TYW1: variants seen among roughly 807,000 people sequenced by gnomAD.
TYW1 encodes tRNA-yW synthesizing protein 1 homolog.
TYW1 carries 46 observed loss-of-function variants against 96.2 expected under a neutral mutation model. The observed-to-expected ratio is 0.48, with a 90% CI of 0.38 to 0.61. The LOEUF is 0.61. Among genes scored for constraint, TYW1 ranks in the 20% least tolerant of loss-of-function variants. The pLI, the probability that TYW1 is intolerant of heterozygous loss-of-function variation, is 0.00. For synonymous variants in TYW1, 274 were observed against 323.0 expected, an observed-to-expected ratio of 0.85 and a Z score of 1.63; for missense variants, 684 against 909.6, an observed-to-expected ratio of 0.75 and a Z score of 3.19.
At chr7:67,062,550 G>C (rs1435893770) in intron 9 of TYW1, among the ~76,000 whole-genome samples, 1 of 124,560 alleles carries the variant, frequency 8.0e-6, no homozygotes, top group Non-Finnish European at 1.7e-5. Flanking sequence ...CTGGGTGACA[G>C]AGCGAGACTC....
intron 11 of TYW1, among the ~76,000 whole-genome samples, chr7:67,085,991 A>G (rs1796537850): frequency 6.6e-6 from 1 of 152,114 alleles, no homozygotes; most frequent in African/African-American, 2.4e-5. Context: ...AAAATTAGTC[A>G]ATAATTATAC....
chr7:67,032,259 T>C (rs1413541824), intron 7 of TYW1, among the ~76,000 whole-genome samples: 5 of 152,290 alleles, frequency 3.3e-5, no homozygotes, highest in Middle Eastern at 6.8e-3. Flanking sequence ...ACCCAGCCTA[T>C]TTGTTAGCTG....
rs749040765 is a variant in TYW1 at position 66,998,072 on chromosome 7, T to C, written c.12T>C (p.Ser4=). Residue 4 remains serine, a synonymous_variant, in exon 2 of 16, where the codon TCT becomes TCC. Coordinates refer to ENST00000359626, the MANE Select transcript of TYW1 (RefSeq NM_018264.4). Reference sequence around the variant, plus strand: ...GTGTCATTTTAAATTTAGATCCTTCTGCGGATACATGGGACCTCTTCTCAC... The same window carrying C: ...GTGTCATTTTAAATTTAGATCCTTCCGCGGATACATGGGACCTCTTCTCAC... MDP[S]ADTWDLFSPL... 1.9e-6 allele frequency: 3 copies of C among 1,591,062 alleles called. No homozygotes were observed. Among genetic ancestry groups the C allele is most frequent in the African/African-American group, 1.4e-5 (1 of 73,378 alleles).
At chr7:67,125,113 G>A (rs567708367) in intron 13 of TYW1, among the ~76,000 whole-genome samples, 21 of 152,226 alleles carry the variant, frequency 1.4e-4, no homozygotes, top group East Asian at 1.9e-4. Flanking sequence ...GATTACAGGC[G>A]TGAGCCACTG....
chr7:67,047,664 G>T, intron 7 of TYW1, among the ~76,000 whole-genome samples: 4 of 148,316 alleles, frequency 2.7e-5, no homozygotes, highest in African/African-American at 5.0e-5. Context: ...TTCTCATTTG[G>T]TACATTTGAT....
At chr7:67,088,464 T>C (rs1796614441) in intron 11 of TYW1, among the ~76,000 whole-genome samples, 2 of 152,196 alleles carry the variant, frequency 1.3e-5, no homozygotes, top group Non-Finnish European at 1.5e-5. Flanking sequence ...AAAAATGTTA[T>C]GTGATTTCTT....
At chr7:67,125,759 G>T (rs1237410328) in intron 13 of TYW1, among the ~76,000 whole-genome samples, 2 of 152,080 alleles carry the variant, frequency 1.3e-5, no homozygotes, top group African/African-American at 4.8e-5. Context: ...AACCATGGAT[G>T]GATCTTTTAC....
chr7:67,127,604 T>C (rs1797947639), intron 13 of TYW1, among the ~76,000 whole-genome samples: 1 of 152,252 alleles, frequency 6.6e-6, no homozygotes, highest in Non-Finnish European at 1.5e-5. Flanking sequence ...GTTGGATGAA[T>C]TAAGAATAAG....
chr7:67,235,869 G>C (rs554349135), intron 15 of TYW1, among the ~76,000 whole-genome samples: 17 of 144,682 alleles, frequency 1.2e-4, no homozygotes, highest in African/African-American at 4.2e-4. Context: ...ACTCCAGCCT[G>C]GGAGACAGAG....
chr7:67,143,069 G>T (rs1798501146), intron 13 of TYW1, among the ~76,000 whole-genome samples: 1 of 142,090 alleles, frequency 7.0e-6, no homozygotes, highest in Non-Finnish European at 1.5e-5. Flanking sequence ...AAAAAAAAAA[G>T]TTTAAAATTA....
chr7:67,119,890 C>T (rs34095876), intron 13 of TYW1, among the ~76,000 whole-genome samples: 2 of 152,146 alleles, frequency 1.3e-5, no homozygotes, highest in Admixed American at 6.5e-5. Context: ...TGGGCCCAAA[C>T]GGTCCTCCTT....
At chr7:67,049,243 T>C (rs1479783781) in intron 7 of TYW1, among the ~76,000 whole-genome samples, 1 of 152,236 alleles carries the variant, frequency 6.6e-6, no homozygotes, top group East Asian at 1.9e-4. Context: ...TTCTTCTCTA[T>C]TGCTATTATT....
chr7:67,062,566 C>CAAAAAAAAAAAA (rs56770876), intron 9 of TYW1, among the ~76,000 whole-genome samples: 6,737 of 87,964 alleles, frequency 0.077, 519 homozygotes, highest in African/African-American at 0.099. Flanking sequence ...GACTCCGTCT[C>CAAAAAAAAAAAA]AAAAAAAAAA....
Position 67,230,652 on chromosome 7 carries a change from C to CTTTTTTTT in TYW1, c.1978-7645_1978-7638dup, listed in dbSNP as rs34585182. Among the ~76,000 whole-genome samples, 446 of 119,484 alleles carry CTTTTTTTT rather than the reference C, an allele frequency of 3.7e-3. 6 individuals are homozygous for CTTTTTTTT. The highest frequency in any genetic ancestry group is 9.9e-3 in the African/African-American group (288 of 28,972). 78.4% of individuals were successfully genotyped at this position (119,484 alleles called of 152,430 possible). On this transcript the variant is annotated intron_variant, in intron 15 of 15. Transcript: ENST00000359626. Reference sequence around the variant, plus strand: ...CAACCCACCATTTTGCTTATTATCTCTTTTTTTTTTTTTTTTTTGAGGCGG... The same window carrying CTTTTTTTT: ...CAACCCACCATTTTGCTTATTATCTCTTTTTTTTTTTTTTTTTTTTTTTTTTGAGGCGG...
At chr7:67,163,314 G>T (rs1584639596) in intron 13 of TYW1, among the ~76,000 whole-genome samples, 1 of 152,082 alleles carries the variant, frequency 6.6e-6, no homozygotes, top group Non-Finnish European at 1.5e-5. Flanking sequence ...GCCATTACAT[G>T]GTTACTTTGC....
chr7:67,111,909 C>A (rs1369031922), intron 12 of TYW1, among the ~76,000 whole-genome samples: 1 of 151,936 alleles, frequency 6.6e-6, no homozygotes, highest in Non-Finnish European at 1.5e-5. Context: ...ACAGCCTGGC[C>A]AACGTGGCGA....
intron 15 of TYW1, among the ~76,000 whole-genome samples, chr7:67,200,381 C>G (rs1800552892): frequency 6.6e-6 from 1 of 152,096 alleles, no homozygotes; most frequent in African/African-American, 2.4e-5. Flanking sequence ...ACTCACAGTT[C>G]CACATGGCTG....
At chr7:67,174,584 T>C (rs1799609407) in intron 13 of TYW1, among the ~76,000 whole-genome samples, 1 of 144,028 alleles carries the variant, frequency 6.9e-6, no homozygotes, top group Non-Finnish European at 1.5e-5. Flanking sequence ...GAGAAGTTAA[T>C]TGGTACCCAC....
chr7:67,004,536 A>G (rs577865505), intron 3 of TYW1, among the ~76,000 whole-genome samples: 26 of 152,284 alleles, frequency 1.7e-4, no homozygotes, highest in East Asian at 3.9e-4. Context: ...TAGTTGTCCA[A>G]TCTTGAACTT....
Sources: gnomAD v4.1 joint callset for allele counts (sites outside exome capture counted in the v4.1 genomes callset) on GRCh38, gnomAD v4.1.1 for gene constraint, MANE v1.5 for transcripts, NCBI Gene and HGNC (gene_info 2026-07-23, HGNC 2026-07-21) for gene names.